PKNOX2: variants seen among roughly 807,000 people sequenced by gnomAD.
PKNOX2 encodes PBX/knotted 1 homeobox 2, also known as homeobox protein PKNOX2.
PKNOX2 carries 14 observed loss-of-function variants against 53.1 expected under a neutral mutation model. The ratio of observed to expected loss-of-function variants is 0.26; its 90% CI spans 0.17 to 0.41. The LOEUF (loss-of-function observed/expected upper bound fraction) is 0.41, where lower values mean the gene tolerates loss of function less well. Among genes scored for constraint, PKNOX2 ranks in the 10% least tolerant of loss-of-function variants. PKNOX2 has a pLI of 1.00. For missense variants in PKNOX2, 496 were observed against 602.8 expected (o/e 0.82, Z 1.85); for synonymous variants, 257 against 242.8 (o/e 1.06, Z -0.54).
At chr11:125,279,568 G>A (rs961659096) in intron 2 of PKNOX2, among the ~76,000 whole-genome samples, 9 of 152,192 alleles carry the variant, frequency 5.9e-5, no homozygotes, top group Non-Finnish European at 8.8e-5. Context: ...TGTCTGTCCC[G>A]TGGCCCCAGC....
intron 2 of PKNOX2, among the ~76,000 whole-genome samples, chr11:125,309,594 G>T (rs1435456730): frequency 2.0e-5 from 3 of 152,008 alleles, no homozygotes; most frequent in African/African-American, 7.3e-5. Context: ...CACCATGTTG[G>T]CCAGGCTGGT....
chr11:125,359,815 G>A (rs1591541568), intron 4 of PKNOX2, among the ~76,000 whole-genome samples: 1 of 152,216 alleles, frequency 6.6e-6, no homozygotes, highest in Non-Finnish European at 1.5e-5. Context: ...CCCTCCTGGG[G>A]CTGGCTGGCA....
chr11:125,257,016 T>C lies in PKNOX2; in HGVS notation c.-130+21901T>C, dbSNP rs151143321. Reference sequence around the variant, plus strand: ...GGCTAATCTGTGTAGGGTTTTTTTTTTTTCCTTCTTCTTTGCAGTGCTTGT... The same window carrying C: ...GGCTAATCTGTGTAGGGTTTTTTTTCTTTCCTTCTTCTTTGCAGTGCTTGT... On this transcript the variant is annotated intron_variant, in intron 2 of 12. Coordinates refer to ENST00000298282, the MANE Select transcript of PKNOX2 (RefSeq NM_001382323.2). Among the ~76,000 whole-genome samples, 1,438 of 152,162 alleles carry C rather than the reference T, an allele frequency of 9.5e-3. 14 individuals carry two copies. The highest frequency in any genetic ancestry group is 0.027 in the Middle Eastern group (8 of 294).
chr11:125,387,887 T>C (rs573520340), intron 6 of PKNOX2, among the ~76,000 whole-genome samples: 4 of 152,164 alleles, frequency 2.6e-5, no homozygotes, highest in Non-Finnish European at 5.9e-5. Flanking sequence ...GTCTGTGTGA[T>C]TTGGATGACT....
At chr11:125,326,077 T>C (rs1350797808) in intron 2 of PKNOX2, among the ~76,000 whole-genome samples, 1 of 152,206 alleles carries the variant, frequency 6.6e-6, no homozygotes, top group East Asian at 1.9e-4. Context: ...TCTCCATGGG[T>C]ACAGTACTCA....
chr11:125,404,774 C>T (rs527866824), intron 7 of PKNOX2, among the ~76,000 whole-genome samples: 1 of 152,328 alleles, frequency 6.6e-6, no homozygotes, highest in African/African-American at 2.4e-5. Flanking sequence ...CCCTCTTTCC[C>T]TCAAAAAGCC....
chr11:125,365,153 C>T (rs1736282086), intron 4 of PKNOX2, among the ~76,000 whole-genome samples: 3 of 152,044 alleles, frequency 2.0e-5, no homozygotes, highest in Non-Finnish European at 4.4e-5. Context: ...CCCTTCTCAC[C>T]CACCCCCCAA....
rs373837852 is a variant in PKNOX2, at chr11:125,367,977, T to C, written c.219T>C (p.Ala73=). ...CCCAGCTGGAGGCTGACAAGCGAGC[T>C]GTATACAGGTAGGAGACACTTCAGC... ...PQAQLEADKR[A]VYRHPLFPLL... Residue 73 remains alanine, a synonymous_variant, in exon 5 of 13, where the codon GCT becomes GCC. Transcript: ENST00000298282. 6.2e-6 allele frequency: 10 copies of C among 1,612,744 alleles called. No individual in the cohort carries two copies. The highest frequency in any genetic ancestry group is 8.5e-6 in the Non-Finnish European group (10 of 1,179,362).
intron 2 of PKNOX2, among the ~76,000 whole-genome samples, chr11:125,325,519 G>A (rs1201886509): frequency 6.6e-6 from 1 of 152,220 alleles, no homozygotes; most frequent in Non-Finnish European, 1.5e-5. Flanking sequence ...ATCTAACAGA[G>A]CCGAGTCTCA....
intron 2 of PKNOX2, among the ~76,000 whole-genome samples, chr11:125,281,159 C>G (rs1790882193): frequency 6.6e-6 from 1 of 152,224 alleles, no homozygotes; most frequent in South Asian, 2.1e-4. Context: ...AGGGCCATGC[C>G]TCCCCTCTGG....
intron 1 of PKNOX2, among the ~76,000 whole-genome samples, chr11:125,233,250 C>G (rs4935913): frequency 0.14 from 22,028 of 152,170 alleles, 1,668 homozygotes; most frequent in Non-Finnish European, 0.17. Context: ...AAAAGTTGGC[C>G]ATATCTTCTT....
chr11:125,356,964 G>T (rs1356044143), intron 4 of PKNOX2, among the ~76,000 whole-genome samples: 5 of 152,256 alleles, frequency 3.3e-5, no homozygotes, highest in African/African-American at 9.6e-5. Context: ...CCCCTGCCTT[G>T]CAGGGCCCTC....
intron 5 of PKNOX2, among the ~76,000 whole-genome samples, chr11:125,372,270 C>T (rs919583761): frequency 6.6e-6 from 1 of 152,202 alleles, no homozygotes; most frequent in African/African-American, 2.4e-5. Flanking sequence ...CATCCCAAAC[C>T]GCCCACCTGA....
chr11:125,174,762 G>A (rs1193803183), intron 1 of PKNOX2, among the ~76,000 whole-genome samples: 1 of 152,148 alleles, frequency 6.6e-6, no homozygotes, highest in Non-Finnish European at 1.5e-5. Context: ...CAGAAATCAG[G>A]CAGGAGAGCC....
chr11:125,282,644 C>T (rs1294303251), intron 2 of PKNOX2, among the ~76,000 whole-genome samples: 1 of 152,214 alleles, frequency 6.6e-6, no homozygotes, highest in African/African-American at 2.4e-5. Context: ...GACCAAGGTC[C>T]ATGACATTTG....
chr11:125,173,254 C>T (rs971957739), intron 1 of PKNOX2, among the ~76,000 whole-genome samples: 1 of 152,252 alleles, frequency 6.6e-6, no homozygotes, highest in African/African-American at 2.4e-5. Flanking sequence ...CTCATTCTCA[C>T]ATGCCCTTGT....
chr11:125,406,044 C>T (rs1159957663), intron 7 of PKNOX2, among the ~76,000 whole-genome samples: 2 of 152,198 alleles, frequency 1.3e-5, no homozygotes, highest in African/African-American at 4.8e-5. Flanking sequence ...CTTCTCACTT[C>T]CATCTGGGTG....
At position 125,198,397 on chromosome 11, in the gene PKNOX2, C is replaced by T. The variant is rs149066679; in HGVS notation, c.-201+33621C>T. ...ACACCCCATCAATCAGTTTCAGCCG[C>T]GGATCCCCTCTTTACCTGAGGGTAA... On this transcript the variant is annotated intron_variant, in intron 1 of 12. Transcript: ENST00000298282. Among the ~76,000 whole-genome samples, 648 of 152,312 alleles carry T rather than the reference C, an allele frequency of 4.3e-3. 5 individuals are homozygous for T. The highest frequency in any genetic ancestry group is 0.014 in the Middle Eastern group (4 of 294).
chr11:125,346,028 A>AGGAGGCTGCCCCAGAGGGAGATGTT (rs1950952099), intron 3 of PKNOX2, among the ~76,000 whole-genome samples: 1 of 152,178 alleles, frequency 6.6e-6, no homozygotes, highest in South Asian at 2.1e-4. Flanking sequence ...GCCAGGGTTG[A>AGGAGGCTGCCCCAGAGGGAGATGTT]GGAGGCTGCC....
Sources: gnomAD v4.1 joint callset for allele counts (sites outside exome capture counted in the v4.1 genomes callset) on GRCh38, gnomAD v4.1.1 for gene constraint, MANE v1.5 for transcripts, NCBI Gene and HGNC (gene_info 2026-07-23, HGNC 2026-07-21) for gene names.